The following RASGRP1 variants were observed in gnomAD, a reference collection of about 807,000 sequenced individuals.
RASGRP1 encodes the protein RAS guanyl releasing protein 1.
Under a neutral mutation model 95.1 loss-of-function variants are expected in RASGRP1, and 37 were observed. That is an observed-to-expected ratio of 0.39 (90% CI 0.30 to 0.51). The LOEUF (loss-of-function observed/expected upper bound fraction) is 0.51, where lower values mean the gene tolerates loss of function less well. RASGRP1 is among the 20% of genes least tolerant of loss of function. RASGRP1 has a pLI of 0.80. For missense variants in RASGRP1, 711 were observed against 965.4 expected (o/e 0.74, Z 3.49); for synonymous variants, 325 against 353.4 (o/e 0.92, Z 0.90).
Position 38,526,409 on chromosome 15 carries a change from A to T in RASGRP1, c.221-5T>A, listed in dbSNP as rs761364891. ...GACACAGGTTTCCATCTGCATCTGAAAATATAAAGAGCAGCACCTGAGTTA... is the reference window on the plus strand; with the variant it reads ...GACACAGGTTTCCATCTGCATCTGATAATATAAAGAGCAGCACCTGAGTTA... On this transcript the variant is annotated splice_polypyrimidine_tract_variant and splice_region_variant and intron_variant, in intron 2 of 16. Transcript: ENST00000310803. The T allele has an allele frequency of 6.2e-7, 1 of 1,611,234 alleles. No individual in the cohort carries two copies. The highest frequency in any genetic ancestry group is 8.5e-7 in the Non-Finnish European group (1 of 1,177,816).
intron 2 of RASGRP1, among the ~76,000 whole-genome samples, chr15:38,554,433 A>C (rs1893466639): frequency 6.6e-6 from 1 of 152,198 alleles, no homozygotes; most frequent in South Asian, 2.1e-4. Context: ...GGATGGCTTT[A>C]CTGAATTGAA....
At chr15:38,562,373 G>C (rs1893843159) in intron 1 of RASGRP1, among the ~76,000 whole-genome samples, 1 of 152,190 alleles carries the variant, frequency 6.6e-6, no homozygotes, top group South Asian at 2.1e-4. Flanking sequence ...AGAATCAGAA[G>C]AGCAACGTGC....
At chr15:38,501,458 A>T (rs751610244) in intron 12 of RASGRP1, 171 bp from the exon 13 acceptor site, 104 of 827,042 alleles carry the variant, frequency 1.3e-4, no homozygotes, top group Non-Finnish European at 1.9e-4. Flanking sequence ...AGGATACAAG[A>T]TGACATGTGG....
At chr15:38,548,650 C>T (rs1392642988) in intron 2 of RASGRP1, among the ~76,000 whole-genome samples, 2 of 152,180 alleles carry the variant, frequency 1.3e-5, no homozygotes. Flanking sequence ...ATGCACTCAG[C>T]CAGCTGCAAC....
chr15:38,564,740 CCCCGGCGCCCGCCAGCCCTCGAG>C lies in RASGRP1; in HGVS notation c.-135_-113del. Reference sequence around the variant, plus strand: ...GCTCTCTCCCCCCCGGGCCTCGTAGCCCCGGCGCCCGCCAGCCCTCGAGCCCGGCGAGCCCGACCGAGGTGCAC... The same window carrying C: ...GCTCTCTCCCCCCCGGGCCTCGTAGCCCCGGCGAGCCCGACCGAGGTGCAC... On this transcript the variant is annotated 5_prime_UTR_variant, in exon 1 of 17. Transcript: ENST00000310803. 1 of 943,430 alleles carries C rather than the reference CCCCGGCGCCCGCCAGCCCTCGAG, an allele frequency of 1.1e-6. No homozygotes were observed. The highest frequency in any genetic ancestry group is 1.3e-6 in the Non-Finnish European group (1 of 754,048). The allele number at this position is 943,430 out of a possible 1,614,324, so 58.4% of individuals were successfully genotyped here. A position where few individuals can be genotyped will look rare whatever the true frequency, so the allele number is the denominator to read the frequency against.
In RASGRP1 at chr15:38,512,876, G is replaced by C; in HGVS notation, c.756C>G (p.Asn252Lys). 6.2e-7 allele frequency: 1 copy of C among 1,613,038 alleles called. No homozygotes were observed. Among genetic ancestry groups the C allele is most frequent in the Non-Finnish European group, 8.5e-7 (1 of 1,179,554 alleles). ...TCAGTTGTACCCACTGGGAGATGCC[G>C]TTGCACAGAGCAATAGATCGCTCCA... ...PTMERSIALCNGISQWVQLMV... is the reference protein window; with the variant it reads ...PTMERSIALCKGISQWVQLMV... Residue 252 changes from asparagine (N) to lysine (K), a missense_variant, in exon 7 of 17, where the codon AAC (asparagine) becomes AAG (lysine). Coordinates refer to ENST00000310803, the MANE Select transcript of RASGRP1 (RefSeq NM_005739.4).
At chr15:38,507,664 G>C in intron 9 of RASGRP1, 62 bp downstream of exon 9, 1 of 1,501,932 alleles carries the variant, frequency 6.7e-7, no homozygotes, top group Non-Finnish European at 9.0e-7. Context: ...TTGGTAAGGG[G>C]TATAGAATGG....
intron 2 of RASGRP1, among the ~76,000 whole-genome samples, chr15:38,553,035 AT>A (rs776882642): frequency 1.3e-5 from 2 of 152,216 alleles, no homozygotes; most frequent in Non-Finnish European, 1.5e-5. Context: ...TTCAAAAATT[AT>A]TAAAAATTTC....
intron 16 of RASGRP1, among the ~76,000 whole-genome samples, chr15:38,493,178 CCTTT>C (rs1310876935): frequency 8.2e-6 from 1 of 122,298 alleles, no homozygotes; most frequent in Non-Finnish European, 1.8e-5. Context: ...CCACGCCGGG[CCTTT>C]TTTTTTTTTT....
intron 16 of RASGRP1, among the ~76,000 whole-genome samples, chr15:38,493,336 C>T (rs1210930759): frequency 6.6e-6 from 1 of 151,908 alleles, no homozygotes; most frequent in Non-Finnish European, 1.5e-5. Flanking sequence ...TGCCATCATG[C>T]CCAGCTAATT....
At chr15:38,543,627 C>G (rs1418218549) in intron 2 of RASGRP1, among the ~76,000 whole-genome samples, 1 of 136,682 alleles carries the variant, frequency 7.3e-6, no homozygotes, top group East Asian at 2.2e-4. Context: ...ACTTTACTGA[C>G]CTTTCTTTTT....
chr15:38,534,912 G>C (rs1363183515), intron 2 of RASGRP1, among the ~76,000 whole-genome samples: 1 of 152,184 alleles, frequency 6.6e-6, no homozygotes, highest in East Asian at 1.9e-4. Flanking sequence ...AAGTTGCACA[G>C]CATCTAGGTA....
chr15:38,500,014 T>C, intron 14 of RASGRP1, 89 bp downstream of exon 14: 1 of 1,363,428 alleles, frequency 7.3e-7, no homozygotes, highest in Non-Finnish European at 1.0e-6. Flanking sequence ...CCTCTTGCCT[T>C]TATAAATTAC....
intron 2 of RASGRP1, among the ~76,000 whole-genome samples, chr15:38,541,022 T>TGAGCA (rs1055800503): frequency 1.1e-4 from 16 of 152,318 alleles, no homozygotes; most frequent in African/African-American, 3.1e-4. Context: ...GAGACTGCTC[T>TGAGCA]GAGCAGAGCA....
At chr15:38,551,714 G>GA (rs1391986479) in intron 2 of RASGRP1, among the ~76,000 whole-genome samples, 4 of 151,376 alleles carry the variant, frequency 2.6e-5, no homozygotes, top group Non-Finnish European at 4.4e-5. Flanking sequence ...ATGAGAACAG[G>GA]AAAAAAAATG....
intron 12 of RASGRP1, 167 bp from the exon 13 acceptor site, chr15:38,501,454 C>G (rs963561580): frequency 2.4e-6 from 2 of 836,256 alleles, no homozygotes; most frequent in Non-Finnish European, 3.9e-6. Flanking sequence ...AACAAGGATA[C>G]AAGATGACAT....
At chr15:38,500,177 A>G in intron 13 of RASGRP1, 38 bp from the exon 14 acceptor site, 2 of 1,606,802 alleles carry the variant, frequency 1.2e-6, no homozygotes, top group South Asian at 2.2e-5. Flanking sequence ...CATGTCATTC[A>G]TCCATCTGGT....
At chr15:38,556,848 T>G (rs1893576901) in intron 2 of RASGRP1, among the ~76,000 whole-genome samples, 1 of 152,210 alleles carries the variant, frequency 6.6e-6, no homozygotes, top group Non-Finnish European at 1.5e-5. Context: ...AATTATTCAG[T>G]CTTTCTCTTT....
chr15:38,540,800 TA>T (rs1370789193), intron 2 of RASGRP1, among the ~76,000 whole-genome samples: 1 of 152,222 alleles, frequency 6.6e-6, no homozygotes, highest in East Asian at 1.9e-4. Flanking sequence ...AAACTTAGGT[TA>T]AAATTCAAAA....
Sources: allele counts gnomAD v4.1 joint callset (sites outside exome capture counted in the v4.1 genomes callset), GRCh38; gene constraint gnomAD v4.1.1; transcripts MANE v1.5; gene names NCBI Gene and HGNC (gene_info 2026-07-23, HGNC 2026-07-21).